IGF2R: variants seen among roughly 807,000 people sequenced by gnomAD.
The protein encoded by IGF2R is cation-independent mannose-6-phosphate receptor.
IGF2R carries 91 observed loss-of-function variants against 270.6 expected under a neutral mutation model. That is an observed-to-expected ratio of 0.34 (90% CI 0.28 to 0.40). The LOEUF is 0.40. IGF2R is among the 10% of genes least tolerant of loss of function. The pLI, the probability that IGF2R is intolerant of heterozygous loss-of-function variation, is 1.00. For synonymous variants in IGF2R, 1,316 were observed against 1,258.9 expected (o/e 1.05, Z -0.96); for missense variants, 2,805 against 3,188.3 (o/e 0.88, Z 2.90).
intron 35 of IGF2R, among the ~76,000 whole-genome samples, chr6:160,075,338 C>T (rs553672422): frequency 2.0e-5 from 3 of 152,338 alleles, no homozygotes; most frequent in African/African-American, 7.2e-5. Flanking sequence ...GTGAACACCT[C>T]CTGTCCCCTC....
chr6:160,038,604 T>G (rs542563348), intron 10 of IGF2R, among the ~76,000 whole-genome samples: 1 of 152,248 alleles, frequency 6.6e-6, no homozygotes, highest in South Asian at 2.1e-4. Flanking sequence ...TCTAGTAGGA[T>G]TAAACTGTGT....
chr6:160,031,903 A>G (rs1777705385), intron 7 of IGF2R, among the ~76,000 whole-genome samples: 1 of 152,132 alleles, frequency 6.6e-6, no homozygotes, highest in African/African-American at 2.4e-5. Flanking sequence ...CAGGGACCCC[A>G]TCAGCCCCCT....
At position 160,102,454 on chromosome 6, in the gene IGF2R, C is replaced by T; in HGVS notation, c.6843-65C>T. 1.3e-6 allele frequency: 2 copies of T among 1,560,310 alleles called. No homozygotes were observed. Among genetic ancestry groups the T allele is most frequent in the Admixed American group, 1.7e-5 (1 of 58,462 alleles). On this transcript the variant is annotated intron_variant, in intron 45 of 47. Coordinates refer to ENST00000356956, the MANE Select transcript of IGF2R (RefSeq NM_000876.4). The surrounding 1 kb of genome is among the most constrained non-coding windows in gnomAD (Gnocchi z 4.5). ...GCTCTTGCCTTGGGGACTCAGGTCT[C>T]AGGTTGTGGCTGTGGCAGCAGGACC...
chr6:160,082,814 T>C lies in IGF2R; in HGVS notation c.5834-1136T>C, dbSNP rs184885970. Among the ~76,000 whole-genome samples the C allele has an allele frequency of 4.6e-3, 696 of 152,314 alleles. 3 individuals are homozygous for C. The highest frequency in any genetic ancestry group is 0.014 in the African/African-American group (602 of 41,570). On this transcript the variant is annotated intron_variant, in intron 39 of 47. Transcript: ENST00000356956. ...ACGTGGTGTGTTGCCAGATGGCGGATGGAGTCTGCAGGTGCTCCTGAGGCA... is the reference window on the plus strand; with the variant it reads ...ACGTGGTGTGTTGCCAGATGGCGGACGGAGTCTGCAGGTGCTCCTGAGGCA...
intron 2 of IGF2R, among the ~76,000 whole-genome samples, chr6:159,997,657 G>T (rs1159242596): frequency 1.3e-5 from 2 of 152,128 alleles, no homozygotes; most frequent in Non-Finnish European, 2.9e-5. Context: ...CTCGTTTCCT[G>T]CTTTTTATTT....
intron 1 of IGF2R, among the ~76,000 whole-genome samples, chr6:159,985,231 G>A (rs1371505216): frequency 2.6e-5 from 4 of 152,122 alleles, no homozygotes; most frequent in African/African-American, 9.7e-5. Flanking sequence ...TTTTTGTGTT[G>A]TAACTGAAAC....
chr6:160,065,836 A>ATATATATATATG (rs1423747636), intron 29 of IGF2R, among the ~76,000 whole-genome samples: 9 of 117,004 alleles, frequency 7.7e-5, no homozygotes, highest in African/African-American at 3.3e-4. Flanking sequence ...ATATATATAT[A>ATATATATATATG]TATATATATG....
chr6:160,095,780 C>T (rs1779343128), intron 44 of IGF2R: 1 of 152,524 alleles, frequency 6.6e-6, no homozygotes, highest in Non-Finnish European at 1.5e-5. Context: ...ATTCACATAT[C>T]TGCCGTTGGC....
rs191809060 is a variant in IGF2R, at chr6:160,078,674, C to G, written c.5478+312C>G. On this transcript the variant is annotated intron_variant, in intron 37 of 47. Coordinates refer to ENST00000356956, the MANE Select transcript of IGF2R (RefSeq NM_000876.4). ...CAGACAGAGGGCAGGTGGGGCAGCC[C>G]GGAGACATGAATGTAAGGTATCCAT... Among the ~76,000 whole-genome samples, 698 of 152,252 alleles carry G rather than the reference C, an allele frequency of 4.6e-3. 3 individuals carry two copies. The highest frequency in any genetic ancestry group is 0.015 in the African/African-American group (604 of 41,530).
chr6:160,009,260 C>G lies in IGF2R; in HGVS notation c.414+126C>G, dbSNP rs1784295622. ...ACTTAGAAACACAAATAAGAAAAAC[C>G]CTACCAAATGACCATCATCATCAAG... On this transcript the variant is annotated intron_variant, in intron 3 of 47. Coordinates refer to ENST00000356956, the MANE Select transcript of IGF2R (RefSeq NM_000876.4). 4.0e-6 allele frequency: 3 copies of G among 749,068 alleles called. 1 individual carries two copies. Among genetic ancestry groups the G allele is most frequent in the Non-Finnish European group, 6.2e-6 (3 of 487,738 alleles). The allele number at this position is 749,068 out of a possible 1,614,324, so 46.4% of individuals were successfully genotyped here.
At chr6:159,969,507 C>T (rs1783574954) in intron 1 of IGF2R, 112 bp downstream of exon 1, 2 of 825,930 alleles carry the variant, frequency 2.4e-6, no homozygotes, top group African/African-American at 3.7e-5. Context: ...CGCCTCCGTT[C>T]CGCGCCGGGG....
At chr6:159,970,034 A>G (rs1447261603) in intron 1 of IGF2R, among the ~76,000 whole-genome samples, 2 of 151,714 alleles carry the variant, frequency 1.3e-5, no homozygotes, top group East Asian at 1.9e-4. Context: ...TCAAGACTTG[A>G]CCCTTCACTT....
chr6:160,070,101 A>G (rs1778682986), intron 31 of IGF2R, 43 bp downstream of exon 31: 2 of 1,591,860 alleles, frequency 1.3e-6, no homozygotes, highest in African/African-American at 2.7e-5. Context: ...CAGCTTTGGG[A>G]ATTGAGCCCA....
At chr6:160,028,997 G>GTT (rs2115228587) in intron 6 of IGF2R, among the ~76,000 whole-genome samples, 1 of 152,020 alleles carries the variant, frequency 6.6e-6, no homozygotes, top group African/African-American at 2.4e-5. Context: ...TTTTGCTTTT[G>GTT]TTTTTGAGAT....
At chr6:160,047,064 C>G (rs1778084242) in intron 15 of IGF2R, 95 bp from the exon 16 acceptor site, 1 of 1,168,000 alleles carries the variant, frequency 8.6e-7, no homozygotes, top group Non-Finnish European at 1.3e-6. Context: ...TCTGGTGACT[C>G]CTCACGTCGC....
chr6:160,105,685 C>T lies in IGF2R; in HGVS notation c.*601C>T, dbSNP rs1336282551. 6.5e-6 allele frequency: 1 copy of T among 152,730 alleles called. No individual in the cohort carries two copies. The highest frequency in any genetic ancestry group is 1.9e-4 in the East Asian group (1 of 5,132). 9.5% of individuals were successfully genotyped at this position (152,730 alleles called of 1,614,324 possible). A position where few individuals can be genotyped will look rare whatever the true frequency, so the allele number is the denominator to read the frequency against. Reference sequence around the variant, plus strand: ...CTCTTTTCTCTTTTGCTTTCTGTTTCTTAAGGGCACACACACGTGCGTGCG... The same window carrying T: ...CTCTTTTCTCTTTTGCTTTCTGTTTTTTAAGGGCACACACACGTGCGTGCG... On this transcript the variant is annotated 3_prime_UTR_variant, in exon 48 of 48. Transcript: ENST00000356956.
intron 18 of IGF2R, 141 bp downstream of exon 18, chr6:160,048,684 T>C: frequency 1.4e-6 from 1 of 734,914 alleles, no homozygotes; most frequent in East Asian, 2.7e-5. Context: ...GGGGCCTCCA[T>C]GTGAACTCAT....
chr6:160,049,833 G>A (rs1778153177), intron 18 of IGF2R, among the ~76,000 whole-genome samples: 1 of 152,204 alleles, frequency 6.6e-6, no homozygotes. Context: ...TGCCTGATGT[G>A]CGGCCAGTCA....
At chr6:160,065,808 GTGTGTGTATATATATATATATATA>G (rs1207990111) in intron 29 of IGF2R, among the ~76,000 whole-genome samples, 9 of 55,146 alleles carry the variant, frequency 1.6e-4, no homozygotes, top group South Asian at 8.0e-4. Flanking sequence ...GTGTGTGTGT[GTGTGTGTATATATATATATATATA>G]TATATATATA....
Sources: gnomAD v4.1 joint callset for allele counts (sites outside exome capture counted in the v4.1 genomes callset) on GRCh38, gnomAD v4.1.1 for gene constraint, Gnocchi (gnomAD v3.1) non-coding constraint, MANE v1.5 for transcripts, NCBI Gene and HGNC (gene_info 2026-07-23, HGNC 2026-07-21) for gene names.